The following SGPP2 variants were observed in gnomAD, a reference collection of about 807,000 sequenced individuals.
SGPP2 encodes sphingosine-1-phosphate phosphatase 2.
SGPP2 carries 30 observed loss-of-function variants against 33.9 expected under a neutral mutation model. The observed-to-expected ratio is 0.89, with a 90% CI of 0.66 to 1.20. The LOEUF (loss-of-function observed/expected upper bound fraction) is 1.20, where lower values mean the gene tolerates loss of function less well. Among genes scored for constraint, SGPP2 ranks in the 50% most tolerant of loss-of-function variants. The probability of loss-of-function intolerance (pLI) is 0.00; values close to 1 mark genes in which losing one functional copy is unlikely to be tolerated. For missense variants in SGPP2, 458 were observed against 532.1 expected (o/e 0.86, Z 1.37); for synonymous variants, 233 against 225.0 (o/e 1.04, Z -0.32).
At chr2:222,473,204 C>A (rs1274836180) in intron 1 of SGPP2, among the ~76,000 whole-genome samples, 2 of 152,102 alleles carry the variant, frequency 1.3e-5, no homozygotes, top group African/African-American at 4.8e-5. Context: ...CAGATTTATT[C>A]TCTTATAGGT....
intron 1 of SGPP2, among the ~76,000 whole-genome samples, chr2:222,459,061 G>A (rs1697616114): frequency 6.6e-6 from 1 of 151,852 alleles, no homozygotes; most frequent in Admixed American, 6.6e-5. Flanking sequence ...CTTGGGTAGG[G>A]CCTGAAATTC....
chr2:222,465,871 A>G lies in SGPP2; in HGVS notation c.220-8697A>G, dbSNP rs1371264299. Among the ~76,000 whole-genome samples, 1 of 152,198 alleles carries G rather than the reference A, an allele frequency of 6.6e-6. No homozygotes were observed. Among genetic ancestry groups the G allele is most frequent in the Non-Finnish European group, 1.5e-5 (1 of 68,038 alleles). ...TCTCTGACCCGCAGACCCTCAAAGAAGCAACACCTCTCCTTATCCAGGGCT... is the reference window on the plus strand; with the variant it reads ...TCTCTGACCCGCAGACCCTCAAAGAGGCAACACCTCTCCTTATCCAGGGCT... On this transcript the variant is annotated intron_variant, in intron 1 of 4. Coordinates refer to ENST00000321276, the MANE Select transcript of SGPP2 (RefSeq NM_152386.4). The surrounding 1 kb of genome is among the most constrained non-coding windows in gnomAD (Gnocchi z 4.1).
chr2:222,504,541 G>T (rs1183830020), intron 2 of SGPP2: 1 of 152,216 alleles, frequency 6.6e-6, no homozygotes, highest in Non-Finnish European at 1.5e-5. Context: ...TGCTAGCCTT[G>T]TCTAAGACGG....
intron 2 of SGPP2, among the ~76,000 whole-genome samples, chr2:222,497,250 C>CTTTTTTT (rs57363978): frequency 1.7e-5 from 2 of 118,566 alleles, no homozygotes; most frequent in Non-Finnish European, 3.4e-5. Context: ...TCTCTTTCTT[C>CTTTTTTT]TTTTTTTTTT....
At chr2:222,553,786 G>T (rs115263857) in intron 4 of SGPP2, among the ~76,000 whole-genome samples, 76 of 152,268 alleles carry the variant, frequency 5.0e-4, no homozygotes, top group African/African-American at 1.7e-3. Context: ...TCCAGGCTTC[G>T]TTAGGGCTCA....
intron 1 of SGPP2, among the ~76,000 whole-genome samples, chr2:222,467,707 C>T (rs766524703): frequency 2.6e-5 from 4 of 151,856 alleles, no homozygotes; most frequent in Admixed American, 2.0e-4. Flanking sequence ...TGCTTCTTGG[C>T]GTGTTTTGTA....
chr2:222,551,960 A>C lies in SGPP2; in HGVS notation c.649-6387A>C, dbSNP rs114133969. 7.6e-3 allele frequency among the ~76,000 whole-genome samples: 1,163 copies of C among 152,308 alleles called. 14 individuals are homozygous for C. The highest frequency in any genetic ancestry group is 0.027 in the African/African-American group (1,118 of 41,560). On this transcript the variant is annotated intron_variant, in intron 4 of 4. Transcript: ENST00000321276. Reference sequence around the variant, plus strand: ...TCCCACTTTTGAGTGACAGCATAAAATGTTTGGTTTTCCATTCCTGAGTTA... The same window carrying C: ...TCCCACTTTTGAGTGACAGCATAAACTGTTTGGTTTTCCATTCCTGAGTTA...
intron 1 of SGPP2, among the ~76,000 whole-genome samples, chr2:222,428,785 CTTTTTTT>C (rs58239129): frequency 6.0e-3 from 449 of 75,354 alleles, no homozygotes; most frequent in Non-Finnish European, 8.7e-3. Context: ...ACATGGTTTT[CTTTTTTT>C]TTTTTTTTTT....
intron 2 of SGPP2, among the ~76,000 whole-genome samples, chr2:222,513,872 A>G (rs1024212983): frequency 6.6e-6 from 1 of 152,144 alleles, no homozygotes; most frequent in Non-Finnish European, 1.5e-5. Flanking sequence ...TTGATTTCAG[A>G]CTTGTGGCTT....
At position 222,424,783 on chromosome 2, in the gene SGPP2, G is replaced by T. The variant is rs1189533860; in HGVS notation, c.181G>T (p.Ala61Ser). 1 of 1,397,412 alleles carries T rather than the reference G, an allele frequency of 7.2e-7. No individual in the cohort carries two copies. Among genetic ancestry groups the T allele is most frequent in the South Asian group, 1.5e-5 (1 of 65,126 alleles). 86.6% of individuals were successfully genotyped at this position (1,397,412 alleles called of 1,614,324 possible). ...CGCAGCCAACGGCAAGGGCGGCGAG[G>T]CTCCGGCCAACGGGCTGCGCAGAGC... ...LPAANGKGGE[A>S]PANGLRRAAA... The change falls in exon 1 of 5, where the codon GCT becomes TCT. Residue 61 changes from alanine (A) to serine (S), a missense_variant. Ala to Ser is a moderately conservative substitution (Grantham distance 99, BLOSUM62 1). Transcript: ENST00000321276.
At chr2:222,544,363 A>G (rs1441969607) in intron 4 of SGPP2, among the ~76,000 whole-genome samples, 1 of 152,226 alleles carries the variant, frequency 6.6e-6, no homozygotes, top group East Asian at 1.9e-4. Context: ...AGATCTTGTT[A>G]AATAAAGTCA....
intron 4 of SGPP2, among the ~76,000 whole-genome samples, chr2:222,531,124 ATTG>A (rs1157435806): frequency 1.3e-5 from 2 of 152,228 alleles, no homozygotes; most frequent in Non-Finnish European, 2.9e-5. Context: ...CTAATTTCAT[ATTG>A]TTGTGTCTCA....
intron 1 of SGPP2, among the ~76,000 whole-genome samples, chr2:222,473,841 T>A (rs1243027070): frequency 1.3e-5 from 2 of 150,420 alleles, no homozygotes; most frequent in East Asian, 3.9e-4. Flanking sequence ...GGAGAATCAC[T>A]TGAACCCAGG....
chr2:222,453,080 G>A, intron 1 of SGPP2: 1 of 1,174,478 alleles, frequency 8.5e-7, no homozygotes, highest in Non-Finnish European at 1.3e-6. Context: ...GCAGTGGGTT[G>A]TTTGCCTTTG....
chr2:222,542,115 C>T (rs1168641183), intron 4 of SGPP2, among the ~76,000 whole-genome samples: 3 of 152,154 alleles, frequency 2.0e-5, no homozygotes, highest in African/African-American at 7.2e-5. Context: ...TACCCGCTCC[C>T]CAAATCTCTG....
intron 2 of SGPP2, among the ~76,000 whole-genome samples, chr2:222,494,854 A>C (rs10169007): frequency 0.87 from 131,884 of 152,158 alleles, 58,025 homozygotes; most frequent in East Asian, 1. Context: ...GCTAGAAGTC[A>C]TGGCCTTGCC....
At chr2:222,509,815 T>G (rs1477146950) in intron 2 of SGPP2, among the ~76,000 whole-genome samples, 1 of 152,226 alleles carries the variant, frequency 6.6e-6, no homozygotes, top group Non-Finnish European at 1.5e-5. Context: ...ATTCAGCATA[T>G]TCACAGAGTT....
chr2:222,474,996 C>T (rs1392544025), intron 2 of SGPP2, among the ~76,000 whole-genome samples: 1 of 152,116 alleles, frequency 6.6e-6, no homozygotes, highest in African/African-American at 2.4e-5. Flanking sequence ...ATTCAGGACT[C>T]TCCCAAAATT....
At chr2:222,470,879 A>C (rs936460218) in intron 1 of SGPP2, among the ~76,000 whole-genome samples, 13 of 152,180 alleles carry the variant, frequency 8.5e-5, no homozygotes, top group Non-Finnish European at 1.8e-4. Flanking sequence ...TATATTTGTA[A>C]ACAGAACCTG....
Sources: gnomAD v4.1 joint callset for allele counts (sites outside exome capture counted in the v4.1 genomes callset) on GRCh38, gnomAD v4.1.1 for gene constraint, Gnocchi (gnomAD v3.1) non-coding constraint, MANE v1.5 for transcripts, NCBI Gene and HGNC (gene_info 2026-07-23, HGNC 2026-07-21) for gene names.